Variants in GCNT2 observed in about 807,000 individuals in gnomAD.
GCNT2 encodes the protein glucosaminyl (N-acetyl) transferase 2 (I blood group).
A neutral mutation model predicts 34.2 loss-of-function variants in GCNT2; 34 were observed. The observed-to-expected ratio is 1.00, with a 90% CI of 0.76 to 1.32. GCNT2 has a LOEUF of 1.32. Ranked by LOEUF, GCNT2 falls within the 40% of genes most tolerant of loss-of-function variation. The probability of loss-of-function intolerance (pLI) is 0.00; values close to 1 mark genes in which losing one functional copy is unlikely to be tolerated. For missense variants in GCNT2, 584 were observed against 489.4 expected, an observed-to-expected ratio of 1.19 and a Z score of -1.82; for synonymous variants, 212 against 188.0, an observed-to-expected ratio of 1.13 and a Z score of -1.04.
chr6:10,556,773 T>C, intron 3 of GCNT2: 2 of 1,614,110 alleles, frequency 1.2e-6, no homozygotes, highest in East Asian at 2.2e-5. Flanking sequence ...GCTATTTACA[T>C]GCCCCAAAAT....
At chr6:10,549,743 G>A (rs193135072) in intron 3 of GCNT2, among the ~76,000 whole-genome samples, 17 of 151,690 alleles carry the variant, frequency 1.1e-4, no homozygotes, top group Middle Eastern at 6.9e-3. Context: ...CACCGTCTTC[G>A]AATTCAGCTT....
intron 3 of GCNT2, among the ~76,000 whole-genome samples, chr6:10,560,151 C>T (rs956529745): frequency 1.2e-4 from 19 of 152,068 alleles, no homozygotes; most frequent in African/African-American, 4.6e-4. Context: ...TGCAGTGGTG[C>T]GATCTCGGCT....
chr6:10,613,549 A>G lies in GCNT2; in HGVS notation c.926-7802A>G, dbSNP rs546260493. 4.6e-5 allele frequency among the ~76,000 whole-genome samples: 7 copies of G among 152,340 alleles called. No homozygotes were observed. The South Asian group carries it at 1.2e-3, about 27-fold the overall frequency. ...ATATAATAATAATAGAATCGAGTCCAGTATTTTTCCAATACTAGTTGTGTC... is the reference window on the plus strand; with the variant it reads ...ATATAATAATAATAGAATCGAGTCCGGTATTTTTCCAATACTAGTTGTGTC... On this transcript the variant is annotated intron_variant, in intron 3 of 4. Transcript: ENST00000495262.
chr6:10,578,515 C>T (rs1467579959), intron 3 of GCNT2, among the ~76,000 whole-genome samples: 2 of 131,944 alleles, frequency 1.5e-5, no homozygotes, highest in Middle Eastern at 5.7e-3. Flanking sequence ...GGCATGATCT[C>T]GGCTCACTGC....
chr6:10,593,087 CAA>C (rs1453971710), intron 3 of GCNT2, among the ~76,000 whole-genome samples: 2 of 152,084 alleles, frequency 1.3e-5, no homozygotes, highest in Non-Finnish European at 2.9e-5. Context: ...TTTTATAAAA[CAA>C]GACAAATTGG....
intron 3 of GCNT2, 147 bp from the exon 4 acceptor site, chr6:10,621,204 G>A: frequency 1.5e-6 from 1 of 677,528 alleles, no homozygotes; most frequent in Admixed American, 2.1e-5. Flanking sequence ...AACAGAAGAT[G>A]GGTAGATCAG....
chr6:10,535,443 C>T (rs1218481234), intron 3 of GCNT2, among the ~76,000 whole-genome samples: 1 of 152,200 alleles, frequency 6.6e-6, no homozygotes, highest in Non-Finnish European at 1.5e-5. Flanking sequence ...AGATGGCATG[C>T]CTTTTAGTTT....
intron 3 of GCNT2, among the ~76,000 whole-genome samples, chr6:10,617,157 C>G (rs975237651): frequency 1.3e-5 from 2 of 152,102 alleles, no homozygotes; most frequent in Admixed American, 1.3e-4. Context: ...CCATGGCGGT[C>G]GGGGGGAGGC....
intron 3 of GCNT2, among the ~76,000 whole-genome samples, chr6:10,569,869 C>CTCTTTCTT (rs1763468862): frequency 6.7e-6 from 1 of 149,792 alleles, no homozygotes; most frequent in African/African-American, 2.5e-5. Flanking sequence ...CTCTTTCTTT[C>CTCTTTCTT]TTTCTTTCTC....
intron 3 of GCNT2, among the ~76,000 whole-genome samples, chr6:10,567,005 CATT>C (rs975963701): frequency 1.3e-5 from 2 of 152,156 alleles, no homozygotes; most frequent in African/African-American, 2.4e-5. Context: ...ATCTAGTGCT[CATT>C]AGAAGAAACA....
At chr6:10,536,624 G>T (rs1761767391) in intron 3 of GCNT2, among the ~76,000 whole-genome samples, 1 of 151,764 alleles carries the variant, frequency 6.6e-6, no homozygotes, top group African/African-American at 2.4e-5. Flanking sequence ...AAAGTGTTGG[G>T]ATTATAGGCG....
intron 3 of GCNT2, among the ~76,000 whole-genome samples, chr6:10,537,633 G>A (rs574984420): frequency 6.8e-6 from 1 of 147,558 alleles, no homozygotes; most frequent in South Asian, 2.2e-4. Flanking sequence ...CCCGGGAGGC[G>A]GAGGTTGCAG....
chr6:10,619,032 AG>A (rs1348674303), intron 3 of GCNT2, among the ~76,000 whole-genome samples: 1 of 152,212 alleles, frequency 6.6e-6, no homozygotes, highest in Non-Finnish European at 1.5e-5. Flanking sequence ...TCAGGGCAAA[AG>A]AACAGACCTT....
Position 10,556,357 on chromosome 6 carries a change from C to T in GCNT2, c.925+26521C>T. 5 of 1,607,206 alleles carry T rather than the reference C, an allele frequency of 3.1e-6. No homozygotes were observed. In the African/African-American group the frequency reaches 6.7e-5, roughly 21 times the overall value. ...GTTGCAAAATAAGAACTCAGAGAAA[C>T]GAGTGAGTTTGGAAAAAAGACTTAC... On this transcript the variant is annotated intron_variant, in intron 3 of 4. Coordinates refer to ENST00000495262, the MANE Select transcript of GCNT2 (RefSeq NM_145649.5).
At chr6:10,616,131 G>A (rs1362828567) in intron 3 of GCNT2, among the ~76,000 whole-genome samples, 3 of 152,176 alleles carry the variant, frequency 2.0e-5, no homozygotes, top group African/African-American at 7.2e-5. Flanking sequence ...TCCTTCTGGT[G>A]GGTTCGTGGT....
At chr6:10,551,727 G>A (rs1762490262) in intron 3 of GCNT2, among the ~76,000 whole-genome samples, 1 of 151,676 alleles carries the variant, frequency 6.6e-6, no homozygotes, top group Non-Finnish European at 1.5e-5. Context: ...ACGGGCATGA[G>A]CCACTGCGCC....
chr6:10,615,594 C>T (rs918400521), intron 3 of GCNT2, among the ~76,000 whole-genome samples: 2 of 152,134 alleles, frequency 1.3e-5, no homozygotes, highest in African/African-American at 4.8e-5. Flanking sequence ...GATCCAGACC[C>T]CAAGAGAGGG....
Position 10,536,356 on chromosome 6 carries a change from ACTT to A in GCNT2, c.925+6527_925+6529del, listed in dbSNP as rs554613401. On this transcript the variant is annotated intron_variant, in intron 3 of 4. Coordinates refer to ENST00000495262, the MANE Select transcript of GCNT2 (RefSeq NM_145649.5). ...CTGCCAGAAATATCGGTTTTTGTCA[ACTT>A]CTTCTTTTTTTTTTTTGAGACAGTC... 3.5e-3 allele frequency among the ~76,000 whole-genome samples: 528 copies of A among 149,982 alleles called. 1 individual carries two copies. The highest frequency in any genetic ancestry group is 4.9e-3 in the African/African-American group (202 of 40,986).
chr6:10,614,823 C>T (rs1476047419), intron 3 of GCNT2, among the ~76,000 whole-genome samples: 1 of 152,074 alleles, frequency 6.6e-6, no homozygotes, highest in African/African-American at 2.4e-5. Context: ...AATGGGGCCA[C>T]CCTTGCATTG....
Sources: allele counts gnomAD v4.1 joint callset (sites outside exome capture counted in the v4.1 genomes callset), GRCh38; gene constraint gnomAD v4.1.1; transcripts MANE v1.5; gene names NCBI Gene and HGNC (gene_info 2026-07-23, HGNC 2026-07-21).